Variants in ZNF268 observed in about 807,000 individuals in gnomAD.
ZNF268 encodes zinc finger protein 3.
In ZNF268, 20 loss-of-function variants were observed where a neutral mutation model predicts 29.3. That is an observed-to-expected ratio of 0.68 (90% CI 0.48 to 0.99). The LOEUF is 0.99. Ranked by LOEUF, ZNF268 falls within the 50% of genes least tolerant of loss-of-function variation. The probability of loss-of-function intolerance (pLI) is 0.00; values close to 1 mark genes in which losing one functional copy is unlikely to be tolerated. For missense variants in ZNF268, 1,240 were observed against 1,121.6 expected (o/e 1.11, Z -1.51); for synonymous variants, 429 against 376.9 (o/e 1.14, Z -1.60).
At chr12:133,192,106 ACTT>A in intron 5 of ZNF268, 103 bp downstream of exon 5, 9 of 768,964 alleles carry the variant, frequency 1.2e-5, no homozygotes, top group Non-Finnish European at 1.7e-5. Context: ...ATTACCATGC[ACTT>A]TTTTTTTTTT....
rs1258354903 is a variant in ZNF268, at chr12:133,191,751, T to C, written c.361+136T>C. ...AAGGCCAGATTTTCTTAGTTCCCTA[T>C]TGGCAGCAGAGTATGCCAGTTGAAT... On this transcript the variant is annotated intron_variant, in intron 4 of 5. Transcript: ENST00000536435. The C allele has an allele frequency of 3.4e-6, 5 of 1,465,648 alleles. No homozygotes were observed. In the Admixed American group the frequency reaches 5.6e-5, roughly 16 times the overall value. The allele number at this position is 1,465,648 out of a possible 1,614,324, so 90.8% of individuals were successfully genotyped here.
Position 133,210,835 on chromosome 12 carries a change from C to T in ZNF268, c.*6305C>T, listed in dbSNP as rs1348719803. 2.2e-6 allele frequency: 1 copy of T among 455,924 alleles called. No individual in the cohort carries two copies. The allele number at this position is 455,924 out of a possible 1,614,324, so 28.2% of individuals were successfully genotyped here. Reference sequence around the variant, plus strand: ...TGGATTCAACCCAGAGGTCTGTGAGCAGAATGCAGGTACTGCAAGCAGGCT... The same window carrying T: ...TGGATTCAACCCAGAGGTCTGTGAGTAGAATGCAGGTACTGCAAGCAGGCT... On this transcript the variant is annotated 3_prime_UTR_variant, in exon 6 of 6. Transcript: ENST00000536435.
rs1956941913 is a variant in ZNF268, at chr12:133,208,835, ACTGCCAGTAGAG to A, written c.*4306_*4317del. The A allele has an allele frequency of 3.9e-5, 6 of 152,028 alleles. No homozygotes were observed. Among genetic ancestry groups the A allele is most frequent in the Admixed American group, 3.9e-4 (6 of 15,236 alleles). 9.4% of individuals were successfully genotyped at this position (152,028 alleles called of 1,614,324 possible). On this transcript the variant is annotated 3_prime_UTR_variant, in exon 6 of 6. Coordinates refer to ENST00000536435, the MANE Select transcript of ZNF268 (RefSeq NM_003415.3). ...AATAAACCACAAACAAATGTTTGGAACTGCCAGTAGAGTAGCAAGTATGCAGTTGTCAGTATT... is the reference window on the plus strand; with the variant it reads ...AATAAACCACAAACAAATGTTTGGAATAGCAAGTATGCAGTTGTCAGTATT...
At chr12:133,191,887 C>G (rs1170665125) in intron 4 of ZNF268, 21 bp from the exon 5 acceptor site, 4 of 1,609,012 alleles carry the variant, frequency 2.5e-6, no homozygotes, top group Non-Finnish European at 2.6e-6. Flanking sequence ...TCCAGGTTGT[C>G]TGTGATTTTT....
rs995881775 is a variant in ZNF268 at position 133,210,947 on chromosome 12, C to G, written c.*6417C>G. On this transcript the variant is annotated 3_prime_UTR_variant, in exon 6 of 6. Transcript: ENST00000536435. The stretch of plus-strand genomic sequence containing the variant: ...CTTCCTGTTTTGTGATGGCCATGTG[C>G]CCCCTCTTGCAGTCCCAGTGAACCC... 2.2e-6 allele frequency: 1 copy of G among 455,888 alleles called. No individual in the cohort carries two copies. Among genetic ancestry groups the G allele is most frequent in the Non-Finnish European group, 4.4e-6 (1 of 226,796 alleles). The allele number at this position is 455,888 out of a possible 1,614,324, so 28.2% of individuals were successfully genotyped here. A position where few individuals can be genotyped will look rare whatever the true frequency, so the allele number is the denominator to read the frequency against.
rs1233788635 is a variant in ZNF268 at position 133,207,230 on chromosome 12, C to T, written c.*2700C>T. 6.6e-6 allele frequency: 1 copy of T among 152,006 alleles called. No homozygotes were observed. The highest frequency in any genetic ancestry group is 2.4e-5 in the African/African-American group (1 of 41,344). 9.4% of individuals were successfully genotyped at this position (152,006 alleles called of 1,614,324 possible). ...AGGAAAATCCAAGGAAAAATAACCC[C>T]AATATTTTACAACTTCCCCATCAAA... On this transcript the variant is annotated 3_prime_UTR_variant, in exon 6 of 6. Coordinates refer to ENST00000536435, the MANE Select transcript of ZNF268 (RefSeq NM_003415.3).
chr12:133,184,178 T>C (rs1262802310), intron 2 of ZNF268, among the ~76,000 whole-genome samples: 1 of 151,698 alleles, frequency 6.6e-6, no homozygotes, highest in Admixed American at 6.6e-5. Flanking sequence ...CGATCTTGGC[T>C]CACTGCAACC....
At position 133,212,583 on chromosome 12, in the gene ZNF268, C is replaced by T. The variant is rs1957005073; in HGVS notation, c.*8053C>T. On this transcript the variant is annotated 3_prime_UTR_variant, in exon 6 of 6. Transcript: ENST00000536435. ...TATATACACATATATATAATAAGAA[C>T]ATTTACCATTTTAACTATTTTTAAG... is the stretch of plus-strand genomic sequence containing the variant. The T allele has an allele frequency of 6.7e-6, 1 of 149,440 alleles. No individual in the cohort carries two copies. Among genetic ancestry groups the T allele is most frequent in the Non-Finnish European group, 1.5e-5 (1 of 67,528 alleles). 9.3% of individuals were successfully genotyped at this position (149,440 alleles called of 1,614,324 possible). A position where few individuals can be genotyped will look rare whatever the true frequency, so the allele number is the denominator to read the frequency against.
rs1593941680 is a variant in ZNF268 at position 133,206,911 on chromosome 12, GAGAA to G, written c.*2384_*2387del. 6.6e-6 allele frequency: 1 copy of G among 152,168 alleles called. No homozygotes were observed. The highest frequency in any genetic ancestry group is 6.5e-5 in the Admixed American group (1 of 15,280). The allele number at this position is 152,168 out of a possible 1,614,324, so 9.4% of individuals were successfully genotyped here. ...CAAAGAAGACAGAATAAATTCATAA[GAGAA>G]AGTTTATATTCAGTTTACTACTACC... On this transcript the variant is annotated 3_prime_UTR_variant, in exon 6 of 6. Coordinates refer to ENST00000536435, the MANE Select transcript of ZNF268 (RefSeq NM_003415.3).
At position 133,203,901 on chromosome 12, in the gene ZNF268, C is replaced by G. The variant is rs1278303393; in HGVS notation, c.2215C>G (p.Leu739Val). Residue 739 changes from leucine to valine, a missense_variant, in exon 6 of 6, where the codon CTC (leucine) becomes GTC (valine). By Grantham distance (32) the Leu-to-Val change is conservative. Transcript: ENST00000536435. The part of the protein sequence containing the change: ...CGKSFSFNSQ[L>V]IVHQRIHTGE... Reference sequence around the variant, plus strand: ...GAAATCCTTTAGTTTCAATTCACAACTCATTGTGCATCAGAGAATTCACAC... The same window carrying G: ...GAAATCCTTTAGTTTCAATTCACAAGTCATTGTGCATCAGAGAATTCACAC... 1.3e-6 allele frequency: 2 copies of G among 1,582,360 alleles called. No homozygotes were observed. The highest frequency in any genetic ancestry group is 2.3e-5 in the East Asian group (1 of 43,360).
chr12:133,194,293 A>T (rs886071426), intron 5 of ZNF268, among the ~76,000 whole-genome samples: 5 of 152,204 alleles, frequency 3.3e-5, no homozygotes, highest in African/African-American at 1.2e-4. Context: ...ATCCCAGACC[A>T]ACTAATTTAA....
chr12:133,182,465 C>T (rs563520671), intron 2 of ZNF268, among the ~76,000 whole-genome samples: 2 of 152,212 alleles, frequency 1.3e-5, no homozygotes, highest in African/African-American at 2.4e-5. Context: ...TGCTTATCAT[C>T]CCTGTCTTGA....
In ZNF268 at chr12:133,209,446, T is replaced by C. The variant is rs952721220; in HGVS notation, c.*4916T>C. 7.9e-5 allele frequency: 12 copies of C among 152,208 alleles called. No homozygotes were observed. The highest frequency in any genetic ancestry group is 2.7e-4 in the African/African-American group (11 of 41,452). The allele number at this position is 152,208 out of a possible 1,614,324, so 9.4% of individuals were successfully genotyped here. ...AATTCTGATTTTGGTATAAATGATA[T>C]ATTTAAATTTAAATGAAGTTGCAAG... On this transcript the variant is annotated 3_prime_UTR_variant, in exon 6 of 6. Transcript: ENST00000536435.
Position 133,207,203 on chromosome 12 carries a change from T to G in ZNF268, c.*2673T>G, listed in dbSNP as rs1046786123. On this transcript the variant is annotated 3_prime_UTR_variant, in exon 6 of 6. Coordinates refer to ENST00000536435, the MANE Select transcript of ZNF268 (RefSeq NM_003415.3). ...AGAGACTTTTCAGGAATAGTTATTA[T>G]AAGGAAAATCCAAGGAAAAATAACC... 8 of 152,198 alleles carry G rather than the reference T, an allele frequency of 5.3e-5. No homozygotes were observed. Among genetic ancestry groups the G allele is most frequent in the African/African-American group, 1.9e-4 (8 of 41,446 alleles). The allele number at this position is 152,198 out of a possible 1,614,324, so 9.4% of individuals were successfully genotyped here.
intron 5 of ZNF268, among the ~76,000 whole-genome samples, chr12:133,199,942 C>T (rs913807617): frequency 1.2e-4 from 19 of 152,090 alleles, no homozygotes; most frequent in African/African-American, 2.2e-4. Context: ...GTCTTGCTAG[C>T]GGTCTATCAA....
At chr12:133,189,974 A>AT (rs1393180622) in intron 3 of ZNF268, among the ~76,000 whole-genome samples, 1 of 143,698 alleles carries the variant, frequency 7.0e-6, no homozygotes, top group Admixed American at 6.9e-5. Context: ...TGCCCGGCTA[A>AT]TTTTTTTGTA....
chr12:133,188,151 T>G (rs1372978858), intron 3 of ZNF268, 79 bp downstream of exon 3: 55 of 1,319,208 alleles, frequency 4.2e-5, no homozygotes, highest in Admixed American at 1.5e-4. Context: ...ATGGAGATCC[T>G]TAGGTCAGAG....
intron 5 of ZNF268, chr12:133,193,301 C>T: frequency 2.0e-6 from 1 of 491,490 alleles, no homozygotes; most frequent in Non-Finnish European, 3.6e-6. Flanking sequence ...CCACTAGACT[C>T]TGGCCTGGGT....
chr12:133,199,527 G>A (rs1328899189), intron 5 of ZNF268, among the ~76,000 whole-genome samples: 4 of 151,780 alleles, frequency 2.6e-5, no homozygotes, highest in Non-Finnish European at 4.4e-5. Flanking sequence ...CCCGGCTTTG[G>A]TATCAGGATG....
Sources: gnomAD v4.1 joint callset for allele counts (sites outside exome capture counted in the v4.1 genomes callset) on GRCh38, gnomAD v4.1.1 for gene constraint, MANE v1.5 for transcripts, NCBI Gene and HGNC (gene_info 2026-07-23, HGNC 2026-07-21) for gene names.